ZNF134: variants seen among roughly 807,000 people sequenced by gnomAD.
ZNF134 encodes zinc finger protein 134.
In ZNF134, 5 loss-of-function variants were observed where a neutral mutation model predicts 2.5. The ratio of observed to expected loss-of-function variants is 2.03; its 90% CI spans 1.06 to 4.27. The LOEUF (loss-of-function observed/expected upper bound fraction) is 4.27, where lower values mean the gene tolerates loss of function less well. Ranked by LOEUF, ZNF134 falls within the 30% of genes most tolerant of loss-of-function variation. The probability of loss-of-function intolerance (pLI) is 0.00; values close to 1 mark genes in which losing one functional copy is unlikely to be tolerated. For missense variants in ZNF134, 540 were observed against 517.5 expected (o/e 1.04, Z -0.42); for synonymous variants, 176 against 176.2 (o/e 1.00, Z 0.01).
rs1173109529 is a variant in ZNF134, at chr19:57,624,493, A to T, written c.*3090A>T. ...AACTGCCAGAACCCCAGTCAGGGTG[A>T]CATGTCTGTAACTCTTCCAGGCAAA... On this transcript the variant is annotated 3_prime_UTR_variant, in exon 3 of 3. Coordinates refer to ENST00000396161, the MANE Select transcript of ZNF134 (RefSeq NM_003435.5). The T allele has an allele frequency of 6.6e-6, 1 of 152,250 alleles. No individual in the cohort carries two copies. The highest frequency in any genetic ancestry group is 2.4e-5 in the African/African-American group (1 of 41,458). The allele number at this position is 152,250 out of a possible 1,614,324, so 9.4% of individuals were successfully genotyped here. A position where few individuals can be genotyped will look rare whatever the true frequency, so the allele number is the denominator to read the frequency against.
In ZNF134 at chr19:57,621,805, A is replaced by G; in HGVS notation, c.*402A>G. The G allele has an allele frequency of 3.1e-6, 1 of 325,246 alleles. No individual in the cohort carries two copies. Among genetic ancestry groups the G allele is most frequent in the Non-Finnish European group, 6.0e-6 (1 of 165,830 alleles). The allele number at this position is 325,246 out of a possible 1,614,324, so 20.1% of individuals were successfully genotyped here. A position where few individuals can be genotyped will look rare whatever the true frequency, so the allele number is the denominator to read the frequency against. On this transcript the variant is annotated 3_prime_UTR_variant, in exon 3 of 3. Coordinates refer to ENST00000396161, the MANE Select transcript of ZNF134 (RefSeq NM_003435.5). ...CAAAAAGTTTACTTTCTTCATGGAT[A>G]TTCTTGGTCTCACATACTTGTAATC...
Position 57,621,420 on chromosome 19 carries a change from A to G in ZNF134, c.*17A>G. 1 of 1,610,778 alleles carries G rather than the reference A, an allele frequency of 6.2e-7. No homozygotes were observed. The highest frequency in any genetic ancestry group is 8.5e-7 in the Non-Finnish European group (1 of 1,180,012). The stretch of plus-strand genomic sequence containing the variant: ...AGGCTTTAGGAGTGCTTTGAATACA[A>G]CAGGACTCATCAATCAGATGTTGAA... On this transcript the variant is annotated 3_prime_UTR_variant, in exon 3 of 3. Transcript: ENST00000396161.
At chr19:57,614,625 G>T (rs369225314) in intron 1 of ZNF134, 122 bp downstream of exon 1, 333 of 322,514 alleles carry the variant, frequency 1.0e-3, no homozygotes, top group Middle Eastern at 7.9e-3. Context: ...GCTGGTGGGT[G>T]GGGGCGAGTG....
intron 1 of ZNF134, among the ~76,000 whole-genome samples, chr19:57,614,715 G>A (rs923471905): frequency 5.9e-5 from 9 of 152,194 alleles, no homozygotes; most frequent in African/African-American, 2.2e-4. Context: ...GTGAACCGTA[G>A]TCAGGCCTGC....
rs371844758 is a variant in ZNF134, at chr19:57,614,405, C to G, written c.-156C>G. The G allele has an allele frequency of 4.4e-6, 2 of 451,194 alleles. No individual in the cohort carries two copies. The highest frequency in any genetic ancestry group is 1.4e-4 in the East Asian group (2 of 14,020). 27.9% of individuals were successfully genotyped at this position (451,194 alleles called of 1,614,324 possible). A position where few individuals can be genotyped will look rare whatever the true frequency, so the allele number is the denominator to read the frequency against. ...CCCCGCCTGCGCCCCCGGGGACGGA[C>G]GACCGCGGTGCCAGGGTCCCGCGAC... On this transcript the variant is annotated 5_prime_UTR_variant, in exon 1 of 3. Transcript: ENST00000396161.
rs748311394 is a variant in ZNF134, at chr19:57,620,960, G to C, written c.841G>C (p.Val281Leu). The C allele has an allele frequency of 6.2e-6, 10 of 1,614,168 alleles. No homozygotes were observed. The highest frequency in any genetic ancestry group is 8.5e-6 in the Non-Finnish European group (10 of 1,180,036). The change falls in exon 3 of 3, where the codon GTT becomes CTT. Residue 281 changes from valine (V) to leucine (L), a missense_variant. Physicochemically the swap from Val to Leu is conservative, Grantham distance 32. Transcript: ENST00000396161. ...HHSNLIVHQR[V>L]HNGARPYKCS... Reference sequence around the variant, plus strand: ...CTCCAATCTAATTGTACACCAGAGAGTTCACAATGGAGCAAGGCCTTATAA... The same window carrying C: ...CTCCAATCTAATTGTACACCAGAGACTTCACAATGGAGCAAGGCCTTATAA...
rs1981248518 is a variant in ZNF134, at chr19:57,622,295, C to G, written c.*892C>G. The G allele has an allele frequency of 6.6e-6, 1 of 152,304 alleles. No homozygotes were observed. Among genetic ancestry groups the G allele is most frequent in the African/African-American group, 2.4e-5 (1 of 41,430 alleles). The allele number at this position is 152,304 out of a possible 1,614,324, so 9.4% of individuals were successfully genotyped here. On this transcript the variant is annotated 3_prime_UTR_variant, in exon 3 of 3. Transcript: ENST00000396161. ...GTTGAGGGAAAGCTGTTCCTCAGGA[C>G]CTGCTGAGTGGCCATATTCCCTGAA...
chr19:57,619,140 C>T (rs984694524), intron 1 of ZNF134, among the ~76,000 whole-genome samples: 2 of 152,078 alleles, frequency 1.3e-5, no homozygotes, highest in African/African-American at 2.4e-5. Context: ...TTCTGCTTGG[C>T]CTCTCCCTGG....
At position 57,620,790 on chromosome 19, in the gene ZNF134, G is replaced by T. The variant is rs1981189076; in HGVS notation, c.671G>T (p.Arg224Ile). 14 of 1,614,176 alleles carry T rather than the reference G, an allele frequency of 8.7e-6. No homozygotes were observed. Among genetic ancestry groups the T allele is most frequent in the Non-Finnish European group, 1.2e-5 (14 of 1,180,030 alleles). ...SRKATLVQHQRIHTGERPYEC... is the reference protein window; with the variant it reads ...SRKATLVQHQIIHTGERPYEC... ...AAAGCTACACTTGTCCAGCATCAGA[G>T]AATCCATACTGGAGAAAGGCCTTAT... The change falls in exon 3 of 3, where the codon AGA becomes ATA. Residue 224 changes from arginine to isoleucine, a missense_variant. Transcript: ENST00000396161.
rs768944643 is a variant in ZNF134 at position 57,620,379 on chromosome 19, T to C, written c.260T>C (p.Phe87Ser). The change falls in exon 3 of 3, where the codon TTC becomes TCC. Residue 87 changes from phenylalanine to serine, a missense_variant. By Grantham distance (155) the Phe-to-Ser change is radical (BLOSUM62 -2). Transcript: ENST00000396161. ...LHTCGACGRQ[F>S]WFSANLHQYQ... is the part of the protein sequence containing the mutation. ...ACATGTGGGGCATGTGGGAGACAAT[T>C]CTGGTTCAGTGCAAACCTTCATCAG... The C allele has an allele frequency of 6.2e-7, 1 of 1,614,196 alleles. No homozygotes were observed. The highest frequency in any genetic ancestry group is 8.5e-7 in the Non-Finnish European group (1 of 1,180,044).
Position 57,621,074 on chromosome 19 carries a change from A to G in ZNF134, c.955A>G (p.Ser319Gly). 13 of 1,614,220 alleles carry G rather than the reference A, an allele frequency of 8.1e-6. No individual in the cohort carries two copies. The highest frequency in any genetic ancestry group is 1.0e-5 in the Non-Finnish European group (12 of 1,180,032). The change falls in exon 3 of 3, where the codon AGT becomes GGT. Residue 319 changes from serine (S) to glycine (G), a missense_variant. Coordinates refer to ENST00000396161, the MANE Select transcript of ZNF134 (RefSeq NM_003435.5). ...CACTGGAGAAAATCCTTATGATTGCAGTGATTGTGGGAAATCCTTTGGCCA... is the reference window on the plus strand; with the variant it reads ...CACTGGAGAAAATCCTTATGATTGCGGTGATTGTGGGAAATCCTTTGGCCA... ...IHTGENPYDC[S>G]DCGKSFGHKY...
In ZNF134 at chr19:57,621,845, T is replaced by TC; in HGVS notation, c.*444dup. ...TACTTGTAATCAAGTTTTTCCAGCC[T>TC]CCAAGTCACCTGGCCTGGGAAAGTA... On this transcript the variant is annotated 3_prime_UTR_variant, in exon 3 of 3. Coordinates refer to ENST00000396161, the MANE Select transcript of ZNF134 (RefSeq NM_003435.5). 3.3e-6 allele frequency: 1 copy of TC among 301,926 alleles called. No individual in the cohort carries two copies. The highest frequency in any genetic ancestry group is 3.2e-5 in the South Asian group (1 of 31,386). The allele number at this position is 301,926 out of a possible 1,614,324, so 18.7% of individuals were successfully genotyped here.
intron 2 of ZNF134, chr19:57,619,723 G>T: frequency 5.1e-6 from 3 of 590,888 alleles, no homozygotes; most frequent in Non-Finnish European, 8.9e-6. Flanking sequence ...TAGAGCAATA[G>T]CTCTCTCTGC....
chr19:57,615,018 C>T (rs1257238216), intron 1 of ZNF134, among the ~76,000 whole-genome samples: 1 of 151,974 alleles, frequency 6.6e-6, no homozygotes, highest in Non-Finnish European at 1.5e-5. Flanking sequence ...AAGATGGAAC[C>T]AATGGGGTTT....
In ZNF134 at chr19:57,620,349, T is replaced by G; in HGVS notation, c.230T>G (p.Leu77Arg). 2 of 1,614,194 alleles carry G rather than the reference T, an allele frequency of 1.2e-6. No individual in the cohort carries two copies. Among genetic ancestry groups the G allele is most frequent in the Non-Finnish European group, 8.5e-7 (1 of 1,180,040 alleles). The change falls in exon 3 of 3, where the codon CTT (leucine) becomes CGT (arginine). Residue 77 changes from leucine (L) to arginine (R), a missense_variant. Coordinates refer to ENST00000396161, the MANE Select transcript of ZNF134 (RefSeq NM_003435.5). ...CAGGGTACACACCATGGACTGAAACTTCACACATGTGGGGCATGTGGGAGA... is the reference window on the plus strand; with the variant it reads ...CAGGGTACACACCATGGACTGAAACGTCACACATGTGGGGCATGTGGGAGA... ...EHQGTHHGLK[L>R]HTCGACGRQF...
intron 1 of ZNF134, among the ~76,000 whole-genome samples, chr19:57,616,983 T>C (rs1001345612): frequency 1.3e-5 from 2 of 152,204 alleles, no homozygotes; most frequent in African/African-American, 4.8e-5. Context: ...GGGTTTCTAT[T>C]TCTGGCAAGC....
At chr19:57,619,297 A>C (rs1981132583) in intron 1 of ZNF134, 115 bp from the exon 2 acceptor site, 2 of 826,754 alleles carry the variant, frequency 2.4e-6, no homozygotes, top group Non-Finnish European at 3.9e-6. Context: ...CCTGCAGGAC[A>C]ATTTTCTGAG....
chr19:57,617,326 G>C (rs954169131), intron 1 of ZNF134, among the ~76,000 whole-genome samples: 4 of 152,218 alleles, frequency 2.6e-5, no homozygotes, highest in Admixed American at 2.0e-4. Flanking sequence ...GTTCAGGTTG[G>C]ACCAGAGTGG....
In ZNF134 at chr19:57,623,525, A is replaced by G. The variant is rs1267089505; in HGVS notation, c.*2122A>G. ...AGACCTAAGATTTGATGATTTGGGA[A>G]ATTCTCAGCCCATCTTAATTGGAAA... On this transcript the variant is annotated 3_prime_UTR_variant, in exon 3 of 3. Coordinates refer to ENST00000396161, the MANE Select transcript of ZNF134 (RefSeq NM_003435.5). 6.6e-6 allele frequency: 1 copy of G among 152,192 alleles called. No individual in the cohort carries two copies. The highest frequency in any genetic ancestry group is 1.5e-5 in the Non-Finnish European group (1 of 68,032). The allele number at this position is 152,192 out of a possible 1,614,324, so 9.4% of individuals were successfully genotyped here.
Sources: allele counts gnomAD v4.1 joint callset (sites outside exome capture counted in the v4.1 genomes callset), GRCh38; gene constraint gnomAD v4.1.1; transcripts MANE v1.5; gene names NCBI Gene and HGNC (gene_info 2026-07-23, HGNC 2026-07-21).